The following ERC1 variants were observed in gnomAD, a reference collection of about 807,000 sequenced individuals.
ERC1 encodes ELKS/RAB6-interacting/CAST family member 1.
ERC1 carries 56 observed loss-of-function variants against 132.0 expected under a neutral mutation model. The ratio of observed to expected loss-of-function variants is 0.42; its 90% CI spans 0.34 to 0.53. ERC1 has a LOEUF of 0.53. Ranked by LOEUF, ERC1 falls within the 20% of genes least tolerant of loss-of-function variation. The probability of loss-of-function intolerance (pLI) is 0.03; values close to 1 mark genes in which losing one functional copy is unlikely to be tolerated. For missense variants in ERC1, 1,202 were observed against 1,349.9 expected, an observed-to-expected ratio of 0.89 and a Z score of 1.72; for synonymous variants, 478 against 476.1, an observed-to-expected ratio of 1.00 and a Z score of -0.05.
chr12:1,013,010 A>G (rs1964949475), intron 1 of ERC1, among the ~76,000 whole-genome samples: 2 of 152,194 alleles, frequency 1.3e-5, no homozygotes, highest in Admixed American at 6.5e-5. Context: ...AGTCTTGTGA[A>G]TAGACGTTTG....
At chr12:1,262,959 G>A in intron 13 of ERC1, 75 bp from the exon 14 acceptor site, 3 of 1,465,382 alleles carry the variant, frequency 2.0e-6, no homozygotes, top group South Asian at 2.5e-5. Context: ...TAAGCAAACA[G>A]CCCTTTCTTA....
intron 1 of ERC1, among the ~76,000 whole-genome samples, chr12:1,024,052 A>T (rs1022274940): frequency 9.2e-5 from 14 of 152,164 alleles, no homozygotes; most frequent in African/African-American, 3.4e-4. Context: ...CTTATGTAGG[A>T]GATGAGATAC....
chr12:1,481,732 C>T (rs1376428555), intron 18 of ERC1, among the ~76,000 whole-genome samples: 3 of 152,178 alleles, frequency 2.0e-5, no homozygotes, highest in Admixed American at 6.5e-5. Flanking sequence ...GCATAGCATA[C>T]GTTAGACCCT....
At chr12:1,304,777 C>CTTTTTTTTTTTTTTTTT (rs1395492621) in intron 15 of ERC1, among the ~76,000 whole-genome samples, 1 of 101,226 alleles carries the variant, frequency 9.9e-6, no homozygotes, top group Non-Finnish European at 2.1e-5. Context: ...TTTGTTGTAA[C>CTTTTTTTTTTTTTTTTT]TCTTTTTTTT....
At position 1,371,940 on chromosome 12, in the gene ERC1, G is replaced by A. The variant is rs142694881; in HGVS notation, c.2888G>A (p.Arg963Gln). 6.1e-5 allele frequency: 99 copies of A among 1,614,008 alleles called. No homozygotes were observed. The African/African-American group carries it at 9.3e-4, about 15-fold the overall frequency. Residue 963 changes from arginine to glutamine, a missense_variant, in exon 16 of 19, where the codon CGG becomes CAG. Physicochemically the swap from Arg to Gln is conservative, Grantham distance 43. Transcript: ENST00000360905. ...CAAGAGGAAGTGGCTGCCCTGAAGC[G>A]GGAGAAGGATCGTCTGGTACAGCAG... ...KTQEEVAALK[R>Q]EKDRLVQQLK...
chr12:1,384,975 A>C (rs184944893), intron 16 of ERC1, among the ~76,000 whole-genome samples: 32 of 152,354 alleles, frequency 2.1e-4, no homozygotes, highest in African/African-American at 6.3e-4. Context: ...ATTCATTAGA[A>C]ATATACAAAG....
At chr12:1,241,400 T>C (rs942812216) in intron 13 of ERC1, among the ~76,000 whole-genome samples, 9 of 152,208 alleles carry the variant, frequency 5.9e-5, no homozygotes, top group Non-Finnish European at 1.0e-4. Flanking sequence ...CATTGAGGAA[T>C]GATGATTGTT....
At chr12:1,035,383 T>C (rs1038935675) in intron 2 of ERC1, among the ~76,000 whole-genome samples, 5 of 152,220 alleles carry the variant, frequency 3.3e-5, no homozygotes, top group Non-Finnish European at 7.3e-5. Context: ...TTACTTGATA[T>C]GTGTGGTTCT....
chr12:1,204,450 T>G (rs1270248955), intron 12 of ERC1: 55 of 1,499,746 alleles, frequency 3.7e-5, no homozygotes, highest in East Asian at 3.5e-4. Flanking sequence ...TTATTAATTC[T>G]TTCTAACTTT....
intron 18 of ERC1, among the ~76,000 whole-genome samples, chr12:1,453,344 A>C (rs1439300425): frequency 6.6e-6 from 1 of 152,202 alleles, no homozygotes; most frequent in Non-Finnish European, 1.5e-5. Flanking sequence ...GCCTAATGTC[A>C]GCACAAGAGG....
chr12:1,122,845 A>G (rs1947731571), intron 7 of ERC1, among the ~76,000 whole-genome samples: 1 of 152,136 alleles, frequency 6.6e-6, no homozygotes, highest in African/African-American at 2.4e-5. Context: ...TGGGTGCTGC[A>G]GGGTGACACT....
chr12:1,054,488 T>G (rs963098330), intron 2 of ERC1, among the ~76,000 whole-genome samples: 2 of 152,000 alleles, frequency 1.3e-5, no homozygotes, highest in Non-Finnish European at 2.9e-5. Flanking sequence ...GTTTGGCTAC[T>G]AGATATATTT....
intron 14 of ERC1, among the ~76,000 whole-genome samples, chr12:1,279,157 T>C (rs1387904571): frequency 3.9e-5 from 6 of 152,180 alleles, no homozygotes; most frequent in African/African-American, 1.4e-4. Flanking sequence ...TCTTAAAATA[T>C]CTCTTTACAT....
rs971443804 is a variant in ERC1 at position 1,495,583 on chromosome 12, G to T, written c.*5353G>T. On this transcript the variant is annotated 3_prime_UTR_variant, in exon 19 of 19. Transcript: ENST00000360905. Reference sequence around the variant, plus strand: ...CGCAGGACTAGCCCAGGCACCTGCCGGGCATTGCAGGATATCCAGTGGGGC... The same window carrying T: ...CGCAGGACTAGCCCAGGCACCTGCCTGGCATTGCAGGATATCCAGTGGGGC... The T allele has an allele frequency of 2.2e-5, 5 of 228,092 alleles. No homozygotes were observed. Among genetic ancestry groups the T allele is most frequent in the Non-Finnish European group, 2.6e-5 (3 of 114,890 alleles). 14.1% of individuals were successfully genotyped at this position (228,092 alleles called of 1,614,324 possible).
At chr12:1,102,696 T>G (rs887387903) in intron 3 of ERC1, among the ~76,000 whole-genome samples, 1 of 152,200 alleles carries the variant, frequency 6.6e-6, no homozygotes, top group Admixed American at 6.5e-5. Flanking sequence ...GATCTTAGCT[T>G]TTGTGGAGCG....
At chr12:1,457,896 A>G (rs2093571621) in intron 18 of ERC1, among the ~76,000 whole-genome samples, 1 of 152,032 alleles carries the variant, frequency 6.6e-6, no homozygotes, top group Non-Finnish European at 1.5e-5. Context: ...CTGTCTCAAA[A>G]AAAGAAAAAG....
At chr12:1,006,840 T>C (rs1296915107) in intron 1 of ERC1, among the ~76,000 whole-genome samples, 1 of 151,940 alleles carries the variant, frequency 6.6e-6, no homozygotes, top group Non-Finnish European at 1.5e-5. Flanking sequence ...CTTTATAAAT[T>C]TTTCATTTTT....
intron 18 of ERC1, among the ~76,000 whole-genome samples, chr12:1,450,047 C>T (rs1432442415): frequency 6.6e-6 from 1 of 152,104 alleles, no homozygotes; most frequent in East Asian, 1.9e-4. Flanking sequence ...ACTTCTATTT[C>T]CTTTGTCTCA....
In ERC1 at chr12:1,494,279, C is replaced by G. The variant is rs1232102730; in HGVS notation, c.*4049C>G. ...GCACCCTCTGCAGAGTGAGGCCGCCCGTCCATCACTGCCAGCCCTGGGCTG... is the reference window on the plus strand; with the variant it reads ...GCACCCTCTGCAGAGTGAGGCCGCCGGTCCATCACTGCCAGCCCTGGGCTG... On this transcript the variant is annotated 3_prime_UTR_variant, in exon 19 of 19. Transcript: ENST00000360905. The G allele has an allele frequency of 4.3e-6, 1 of 231,922 alleles. No individual in the cohort carries two copies. The highest frequency in any genetic ancestry group is 5.6e-5 in the Admixed American group (1 of 17,746). 14.4% of individuals were successfully genotyped at this position (231,922 alleles called of 1,614,324 possible).
Sources: allele counts gnomAD v4.1 joint callset (sites outside exome capture counted in the v4.1 genomes callset), GRCh38; gene constraint gnomAD v4.1.1; transcripts MANE v1.5; gene names NCBI Gene and HGNC (gene_info 2026-07-23, HGNC 2026-07-21).